Variants in RXFP2 observed in about 807,000 individuals in gnomAD.
RXFP2 encodes relaxin receptor 2.
In RXFP2, 68 loss-of-function variants were observed where a neutral mutation model predicts 88.6. The ratio of observed to expected loss-of-function variants is 0.77; its 90% CI spans 0.63 to 0.94. RXFP2 has a LOEUF of 0.94. Ranked by LOEUF, RXFP2 falls within the 40% of genes least tolerant of loss-of-function variation. RXFP2 has a pLI of 0.00. For synonymous variants in RXFP2, 329 were observed against 306.8 expected, an observed-to-expected ratio of 1.07 and a Z score of -0.76; for missense variants, 791 against 893.9, an observed-to-expected ratio of 0.88 and a Z score of 1.47.
chr13:31,745,146 G>A (rs1871357760), intron 1 of RXFP2, among the ~76,000 whole-genome samples: 1 of 151,898 alleles, frequency 6.6e-6, no homozygotes, highest in African/African-American at 2.4e-5. Flanking sequence ...CTCCAGCCTG[G>A]GTGACAGAGT....
chr13:31,749,266 C>T (rs1433934491), intron 1 of RXFP2, among the ~76,000 whole-genome samples: 1 of 152,088 alleles, frequency 6.6e-6, no homozygotes, highest in Non-Finnish European at 1.5e-5. Flanking sequence ...TGTCTTCTTC[C>T]AAACTTTCTA....
intron 5 of RXFP2, among the ~76,000 whole-genome samples, chr13:31,773,696 T>A (rs895795561): frequency 6.6e-6 from 1 of 152,148 alleles, no homozygotes; most frequent in Non-Finnish European, 1.5e-5. Context: ...GGAGCTCTGC[T>A]AGGAAATAAT....
intron 9 of RXFP2, among the ~76,000 whole-genome samples, chr13:31,780,819 C>T (rs1005113549): frequency 2.0e-5 from 3 of 152,216 alleles, no homozygotes; most frequent in Non-Finnish European, 4.4e-5. Context: ...TCTCAGACAT[C>T]AGCGTGCATC....
In RXFP2 at chr13:31,797,430, T is replaced by G; in HGVS notation, c.2005+11T>G. The G allele has an allele frequency of 6.3e-7, 1 of 1,591,976 alleles. No individual in the cohort carries two copies. The highest frequency in any genetic ancestry group is 1.7e-5 in the Admixed American group (1 of 60,008). ...GGGTGGAAATACCAGGTCAGTCTCT[T>G]CTATCATTCCCAAGTATAATACATC... On this transcript the variant is annotated intron_variant, in intron 17 of 17. Coordinates refer to ENST00000298386, the MANE Select transcript of RXFP2 (RefSeq NM_130806.5).
rs1170948922 is a variant in RXFP2, at chr13:31,772,535, G to A, written c.498-2085G>A. 3.3e-5 allele frequency among the ~76,000 whole-genome samples: 5 copies of A among 152,116 alleles called. No individual in the cohort carries two copies. In the East Asian group the frequency reaches 9.6e-4, roughly 29 times the overall value. The stretch of plus-strand genomic sequence containing the variant: ...TCTCAGCTCTGAATAAAAAGAGGGC[G>A]CCACTTGCCAAGTTGTCATGTTTCC... On this transcript the variant is annotated intron_variant, in intron 5 of 17. Transcript: ENST00000298386.
intron 1 of RXFP2, among the ~76,000 whole-genome samples, chr13:31,748,490 T>C (rs1473472511): frequency 6.6e-6 from 1 of 152,218 alleles, no homozygotes; most frequent in African/African-American, 2.4e-5. Context: ...GAATTAGATT[T>C]AATACCTTTT....
intron 3 of RXFP2, among the ~76,000 whole-genome samples, chr13:31,762,506 G>C (rs1441031149): frequency 3.3e-5 from 5 of 152,206 alleles, no homozygotes; most frequent in African/African-American, 4.8e-5. Context: ...AGCCCATGAA[G>C]GGTTTTGGTG....
In RXFP2 at chr13:31,781,658, C is replaced by T; in HGVS notation, c.786-13C>T. On this transcript the variant is annotated splice_polypyrimidine_tract_variant and intron_variant, in intron 9 of 17. Transcript: ENST00000298386. ...AAAAAATATTAAAAATATCTTTCCTCCATGACTTCCAGGGATTTGGAAGGC... is the reference window on the plus strand; with the variant it reads ...AAAAAATATTAAAAATATCTTTCCTTCATGACTTCCAGGGATTTGGAAGGC... 1.3e-6 allele frequency: 2 copies of T among 1,583,470 alleles called. No individual in the cohort carries two copies. The highest frequency in any genetic ancestry group is 1.7e-6 in the Non-Finnish European group (2 of 1,152,806).
intron 16 of RXFP2, among the ~76,000 whole-genome samples, chr13:31,793,464 A>C (rs1873889654): frequency 6.6e-6 from 1 of 150,674 alleles, no homozygotes; most frequent in Non-Finnish European, 1.5e-5. Context: ...GTTATGAGTT[A>C]AGTAAATAAT....
chr13:31,792,316 T>C (rs2138458164), intron 15 of RXFP2, among the ~76,000 whole-genome samples: 1 of 152,342 alleles, frequency 6.6e-6, no homozygotes, highest in Non-Finnish European at 1.5e-5. Context: ...GTGATAAAAC[T>C]AATCTGAACT....
chr13:31,776,457 C>T (rs1436966350), intron 7 of RXFP2, among the ~76,000 whole-genome samples: 4 of 151,642 alleles, frequency 2.6e-5, no homozygotes, highest in South Asian at 2.1e-4. Flanking sequence ...GGGTGGGTCT[C>T]ACCATGTTGC....
intron 7 of RXFP2, among the ~76,000 whole-genome samples, chr13:31,775,900 G>A (rs771713705): frequency 6.6e-5 from 10 of 152,310 alleles, no homozygotes; most frequent in Admixed American, 3.9e-4. Context: ...CACAAGGGGC[G>A]GTTAGCAGGC....
chr13:31,799,495 G>A (rs748566515), intron 17 of RXFP2, among the ~76,000 whole-genome samples: 9 of 152,044 alleles, frequency 5.9e-5, no homozygotes, highest in Non-Finnish European at 7.4e-5. Context: ...GATTACAAGC[G>A]TGAACCACCA....
chr13:31,781,537 T>A, intron 9 of RXFP2, 134 bp from the exon 10 acceptor site: 1 of 619,496 alleles, frequency 1.6e-6, no homozygotes, highest in Non-Finnish European at 2.7e-6. Context: ...ATACTAACCT[T>A]GCAATAATTA....
chr13:31,762,150 A>G (rs1872329581), intron 3 of RXFP2, among the ~76,000 whole-genome samples: 1 of 152,248 alleles, frequency 6.6e-6, no homozygotes. Context: ...TAACCCACAA[A>G]CATCTCACAT....
chr13:31,801,693 G>T (rs1874353447), intron 17 of RXFP2, among the ~76,000 whole-genome samples: 1 of 152,094 alleles, frequency 6.6e-6, no homozygotes, highest in African/African-American at 2.4e-5. Context: ...AGGATAACCA[G>T]AACACCAGGG....
At chr13:31,791,743 G>A in intron 14 of RXFP2, 63 bp from the exon 15 acceptor site, 1 of 1,131,438 alleles carries the variant, frequency 8.8e-7, no homozygotes, top group Non-Finnish European at 1.4e-6. Context: ...GCCCCGATAG[G>A]ACTGCAACTG....
Position 31,775,310 on chromosome 13 carries a change from A to G in RXFP2, c.570-8A>G, listed in dbSNP as rs1254301906. ...TTTGCCTAATTAACTCACCCATGCTATTTGTAGATATCTCAACCACAACTG... is the reference window on the plus strand; with the variant it reads ...TTTGCCTAATTAACTCACCCATGCTGTTTGTAGATATCTCAACCACAACTG... On this transcript the variant is annotated splice_polypyrimidine_tract_variant and splice_region_variant and intron_variant, in intron 6 of 17. Transcript: ENST00000298386. The G allele has an allele frequency of 1.9e-6, 3 of 1,609,594 alleles. No homozygotes were observed. The highest frequency in any genetic ancestry group is 1.3e-5 in the African/African-American group (1 of 74,934).
At chr13:31,780,026 G>C (rs913711133) in intron 9 of RXFP2, among the ~76,000 whole-genome samples, 1 of 152,130 alleles carries the variant, frequency 6.6e-6, no homozygotes, top group Non-Finnish European at 1.5e-5. Context: ...AAACACACAG[G>C]AAAGAGTAAA....
Sources: gnomAD v4.1 joint callset for allele counts (sites outside exome capture counted in the v4.1 genomes callset) on GRCh38, gnomAD v4.1.1 for gene constraint, MANE v1.5 for transcripts, NCBI Gene and HGNC (gene_info 2026-07-23, HGNC 2026-07-21) for gene names.